The following ADD3 variants were observed in gnomAD, a reference collection of about 807,000 sequenced individuals.
ADD3 encodes gamma-adducin.
Under a neutral mutation model 80.2 loss-of-function variants are expected in ADD3, and 25 were observed. The observed-to-expected ratio is 0.31, with a 90% CI of 0.23 to 0.44. The LOEUF is 0.44. ADD3 is among the 20% of genes least tolerant of loss of function. ADD3 has a pLI of 1.00. For synonymous variants in ADD3, 284 were observed against 289.6 expected (o/e 0.98, Z 0.20); for missense variants, 829 against 847.5 (o/e 0.98, Z 0.27).
At chr10:110,029,485 C>G (rs1854731871) in intron 1 of ADD3, among the ~76,000 whole-genome samples, 1 of 152,224 alleles carries the variant, frequency 6.6e-6, no homozygotes, top group Non-Finnish European at 1.5e-5. Flanking sequence ...TCCTCCTATA[C>G]GTATCATATT....
intron 1 of ADD3, among the ~76,000 whole-genome samples, chr10:110,061,704 T>C (rs1858911918): frequency 1.3e-5 from 2 of 152,234 alleles, no homozygotes; most frequent in African/African-American, 2.4e-5. Flanking sequence ...ATAATCATCC[T>C]TGTAAATTTC....
chr10:110,117,506 T>A, intron 5 of ADD3, 84 bp downstream of exon 5: 1 of 789,266 alleles, frequency 1.3e-6, no homozygotes, highest in Non-Finnish European at 2.2e-6. Flanking sequence ...CAGGACAGAA[T>A]AAGAAGGTAT....
At chr10:110,082,738 G>A (rs1251826755) in intron 1 of ADD3, among the ~76,000 whole-genome samples, 2 of 152,142 alleles carry the variant, frequency 1.3e-5, no homozygotes, top group Non-Finnish European at 2.9e-5. Context: ...TAGATTTTTA[G>A]AAATTGCTCT....
intron 1 of ADD3, among the ~76,000 whole-genome samples, chr10:110,096,422 G>A (rs1308306800): frequency 6.6e-6 from 1 of 152,154 alleles, no homozygotes; most frequent in African/African-American, 2.4e-5. Context: ...TACAGCACCA[G>A]TAACACCAGT....
chr10:110,049,776 A>G (rs1857291615), intron 1 of ADD3, among the ~76,000 whole-genome samples: 1 of 151,480 alleles, frequency 6.6e-6, no homozygotes, highest in Admixed American at 6.6e-5. Flanking sequence ...AGTCCCAGCT[A>G]CTCGGGAGGC....
intron 1 of ADD3, among the ~76,000 whole-genome samples, chr10:110,044,117 G>A (rs1376431021): frequency 2.0e-5 from 3 of 152,118 alleles, no homozygotes; most frequent in African/African-American, 7.2e-5. Flanking sequence ...GCATGAGATC[G>A]CTTGAACCTG....
At chr10:110,079,772 C>T (rs1304945392) in intron 1 of ADD3, among the ~76,000 whole-genome samples, 1 of 152,084 alleles carries the variant, frequency 6.6e-6, no homozygotes, top group Non-Finnish European at 1.5e-5. Flanking sequence ...AACTCCTGAC[C>T]TCAAGTGATC....
chr10:110,053,109 A>G (rs552422455), intron 1 of ADD3, among the ~76,000 whole-genome samples: 174 of 152,264 alleles, frequency 1.1e-3, no homozygotes, highest in African/African-American at 3.9e-3. Context: ...GTAGTACAGT[A>G]AATACAAGCC....
intron 1 of ADD3, among the ~76,000 whole-genome samples, chr10:110,064,161 G>A (rs756985872): frequency 4.5e-4 from 69 of 151,980 alleles, no homozygotes; most frequent in Non-Finnish European, 1.6e-4. Context: ...CATTCAGATT[G>A]TTTCCAGTTT....
At chr10:110,057,006 G>A (rs753514281) in intron 1 of ADD3, among the ~76,000 whole-genome samples, 15 of 152,108 alleles carry the variant, frequency 9.9e-5, no homozygotes, top group Non-Finnish European at 1.9e-4. Flanking sequence ...GATTCCTGTG[G>A]TCAGTGATAC....
intron 3 of ADD3, among the ~76,000 whole-genome samples, chr10:110,113,302 C>CT (rs1162750017): frequency 1.3e-5 from 2 of 152,158 alleles, no homozygotes; most frequent in African/African-American, 4.8e-5. Flanking sequence ...GAGTCTTGCT[C>CT]TGTCGCCGAG....
intron 1 of ADD3, among the ~76,000 whole-genome samples, chr10:110,066,993 TCTGA>T (rs754384602): frequency 6.6e-6 from 1 of 152,242 alleles, no homozygotes; most frequent in South Asian, 2.1e-4. Context: ...GTTGCTCTGT[TCTGA>T]CTGTGTTAAG....
At chr10:110,079,266 T>G (rs553593747) in intron 1 of ADD3, 2 of 152,288 alleles carry the variant, frequency 1.3e-5, no homozygotes, top group South Asian at 4.1e-4. Context: ...TCCGTGGAAT[T>G]TCCTTTCTCT....
rs996859204 is a variant in ADD3, at chr10:110,037,241, A to G, written c.-30+28942A>G. ...TGTTTCAGTCTTACCATGGGTTCCT[A>G]CTGTTCTTTAATACTGGCATGAAAT... On this transcript the variant is annotated intron_variant, in intron 1 of 14. Transcript: ENST00000356080. Among the ~76,000 whole-genome samples the G allele has an allele frequency of 8.2e-4, 124 of 152,140 alleles. 2 individuals are homozygous for G. The highest frequency in any genetic ancestry group is 2.4e-4 in the Non-Finnish European group (16 of 68,016).
Position 110,126,097 on chromosome 10 carries a change from C to A in ADD3, c.1521+152C>A, listed in dbSNP as rs968050684. The A allele has an allele frequency of 3.0e-5, 23 of 774,792 alleles. No individual in the cohort carries two copies. The Admixed American group carries it at 6.9e-4, about 23-fold the overall frequency. 48.0% of individuals were successfully genotyped at this position (774,792 alleles called of 1,614,324 possible). On this transcript the variant is annotated intron_variant, in intron 11 of 14. Coordinates refer to ENST00000356080, the MANE Select transcript of ADD3 (RefSeq NM_016824.5). ...GTATAATTTTAGCTTATATTGAATG[C>A]CTCCAGCTCTGTGCTAGTAATTGGT...
In ADD3 at chr10:110,050,446, G is replaced by A. The variant is rs187160975; in HGVS notation, c.-30+42147G>A. Among the ~76,000 whole-genome samples the A allele has an allele frequency of 3.0e-3, 451 of 150,686 alleles. 3 individuals carry two copies. Among genetic ancestry groups the A allele is most frequent in the African/African-American group, 0.01 (427 of 41,024 alleles). On this transcript the variant is annotated intron_variant, in intron 1 of 14. Coordinates refer to ENST00000356080, the MANE Select transcript of ADD3 (RefSeq NM_016824.5). Reference sequence around the variant, plus strand: ...TGCCACCATATAAGACATGTCTTTTGCCTTCCACCGTGATTGTGAGTCCTC... The same window carrying A: ...TGCCACCATATAAGACATGTCTTTTACCTTCCACCGTGATTGTGAGTCCTC...
At chr10:110,058,827 C>G (rs1210572939) in intron 1 of ADD3, among the ~76,000 whole-genome samples, 1 of 152,176 alleles carries the variant, frequency 6.6e-6, no homozygotes, top group African/African-American at 2.4e-5. Flanking sequence ...TGATTCTTTT[C>G]AGTATCACAA....
At chr10:110,011,204 T>A (rs571749278) in intron 1 of ADD3, among the ~76,000 whole-genome samples, 1 of 152,272 alleles carries the variant, frequency 6.6e-6, no homozygotes, top group Non-Finnish European at 1.5e-5. Context: ...CCTTTCTGAT[T>A]ACCAACATCA....
intron 1 of ADD3, among the ~76,000 whole-genome samples, chr10:110,080,343 A>G (rs1223425027): frequency 6.6e-6 from 1 of 152,186 alleles, no homozygotes; most frequent in African/African-American, 2.4e-5. Context: ...TTTATGTAGT[A>G]TTTTTGTTGG....
Sources: gnomAD v4.1 joint callset for allele counts (sites outside exome capture counted in the v4.1 genomes callset) on GRCh38, gnomAD v4.1.1 for gene constraint, MANE v1.5 for transcripts, NCBI Gene and HGNC (gene_info 2026-07-23, HGNC 2026-07-21) for gene names.